NLRP4: variants seen among roughly 807,000 people sequenced by gnomAD.
NLRP4 encodes the protein NLR family pyrin domain containing 4.
A neutral mutation model predicts 84.7 loss-of-function variants in NLRP4; 44 were observed. The observed-to-expected ratio is 0.52, with a 90% CI of 0.41 to 0.67. NLRP4 has a LOEUF of 0.67. Among genes scored for constraint, NLRP4 ranks in the 30% least tolerant of loss-of-function variants. The pLI, the probability that NLRP4 is intolerant of heterozygous loss-of-function variation, is 0.00. For synonymous variants in NLRP4, 544 were observed against 476.4 expected (o/e 1.14, Z -1.85); for missense variants, 1,260 against 1,219.4 (o/e 1.03, Z -0.50).
At chr19:55,850,804 A>ACTTCCCG in intron 1 of NLRP4, among the ~76,000 whole-genome samples, 1 of 122,142 alleles carries the variant, frequency 8.2e-6, no homozygotes, top group Non-Finnish European at 1.6e-5. Flanking sequence ...GCTGCGGTGT[A>ACTTCCCG]ATTTCCGAGG....
chr19:55,860,186 C>T (rs111344865), intron 3 of NLRP4, among the ~76,000 whole-genome samples: 1,655 of 152,048 alleles, frequency 0.011, 25 homozygotes, highest in South Asian at 0.037. Context: ...AGGGTTTCAC[C>T]GTGTTGGCCA....
chr19:55,864,608 T>A (rs1012395815), intron 5 of NLRP4, among the ~76,000 whole-genome samples: 1 of 152,248 alleles, frequency 6.6e-6, no homozygotes, highest in Non-Finnish European at 1.5e-5. Context: ...AGTAAATCCA[T>A]ATTTAACTGT....
chr19:55,862,288 C>A (rs1335112154), intron 5 of NLRP4, 129 bp downstream of exon 5: 2 of 388,180 alleles, frequency 5.2e-6, no homozygotes, highest in Non-Finnish European at 8.6e-6. Context: ...ATTGAGACCA[C>A]TGATTGGGTT....
chr19:55,865,620 G>A (rs1984925273), intron 5 of NLRP4, among the ~76,000 whole-genome samples: 1 of 152,140 alleles, frequency 6.6e-6, no homozygotes, highest in Non-Finnish European at 1.5e-5. Context: ...AACCTCACCA[G>A]CATATATTAT....
At chr19:55,878,277 C>T (rs576328004) in intron 8 of NLRP4, among the ~76,000 whole-genome samples, 5 of 146,066 alleles carry the variant, frequency 3.4e-5, no homozygotes, top group African/African-American at 1.0e-4. Context: ...AAAATTAGCC[C>T]GCAGGCGTGG....
chr19:55,866,537 G>A (rs1398917206), intron 5 of NLRP4, among the ~76,000 whole-genome samples: 1 of 152,080 alleles, frequency 6.6e-6, no homozygotes, highest in Non-Finnish European at 1.5e-5. Flanking sequence ...GAGTGGTTGA[G>A]GTAATAGAAA....
chr19:55,868,909 A>C (rs1325823922), intron 6 of NLRP4, among the ~76,000 whole-genome samples: 1 of 152,204 alleles, frequency 6.6e-6, no homozygotes, highest in Non-Finnish European at 1.5e-5. Context: ...AATGTCAAGA[A>C]AATGAGAGGA....
Position 55,870,984 on chromosome 19 carries a change from C to T in NLRP4, c.2512C>T (p.Leu838=). ...CEALKHPDCC[L]DSLCLVKCFI... Reference sequence around the variant, plus strand: ...GGCCTTGAAACATCCGGACTGCTGCCTGGATTCACTGTGGTAGGCTTTTTG... The same window carrying T: ...GGCCTTGAAACATCCGGACTGCTGCTTGGATTCACTGTGGTAGGCTTTTTG... Residue 838 remains leucine (L), a synonymous_variant, in exon 7 of 10, where the codon CTG becomes TTG. Transcript: ENST00000301295. 6.2e-7 allele frequency: 1 copy of T among 1,614,102 alleles called. No homozygotes were observed. Among genetic ancestry groups the T allele is most frequent in the Non-Finnish European group, 8.5e-7 (1 of 1,179,944 alleles).
intron 6 of NLRP4, among the ~76,000 whole-genome samples, chr19:55,869,042 A>G (rs1985069648): frequency 6.6e-6 from 1 of 152,204 alleles, no homozygotes; most frequent in South Asian, 2.1e-4. Context: ...AATGAAGGAC[A>G]GTGGTGCCTG....
At chr19:55,880,049 C>T (rs1014974681) in intron 9 of NLRP4, among the ~76,000 whole-genome samples, 1 of 151,930 alleles carries the variant, frequency 6.6e-6, no homozygotes, top group Admixed American at 6.6e-5. Flanking sequence ...TTTTCCCCTA[C>T]TGTTTTCAAA....
rs764130989 is a variant in NLRP4 at position 55,862,040 on chromosome 19, G to A, written c.2067G>A (p.Val689=). ...FSGQSVLLFE[V]LFYQPDLKYL... ...GCCAGAGTGTTCTGCTCTTTGAGGTGCTCTTTTATCAGCCAGACTTGAAAT... is the reference window on the plus strand; with the variant it reads ...GCCAGAGTGTTCTGCTCTTTGAGGTACTCTTTTATCAGCCAGACTTGAAAT... Residue 689 remains valine (V), a synonymous_variant, in exon 5 of 10, where the codon GTG becomes GTA. Coordinates refer to ENST00000301295, the MANE Select transcript of NLRP4 (RefSeq NM_134444.5). 1 of 1,613,480 alleles carries A rather than the reference G, an allele frequency of 6.2e-7. No individual in the cohort carries two copies. The highest frequency in any genetic ancestry group is 8.5e-7 in the Non-Finnish European group (1 of 1,179,372).
chr19:55,849,721 C>G (rs1410482057), intron 1 of NLRP4, among the ~76,000 whole-genome samples: 2 of 152,168 alleles, frequency 1.3e-5, no homozygotes, highest in Non-Finnish European at 2.9e-5. Context: ...AATGTAATTT[C>G]TATATTTACA....
At chr19:55,846,351 C>A (rs748204409) in intron 1 of NLRP4, among the ~76,000 whole-genome samples, 1 of 151,964 alleles carries the variant, frequency 6.6e-6, no homozygotes, top group African/African-American at 2.4e-5. Context: ...GCATTATTTC[C>A]GAGGGCTCTG....
At chr19:55,847,573 G>C (rs989696664) in intron 1 of NLRP4, among the ~76,000 whole-genome samples, 1 of 152,134 alleles carries the variant, frequency 6.6e-6, no homozygotes, top group African/African-American at 2.4e-5. Flanking sequence ...ATAGTGCAGA[G>C]AGTTCCCATA....
At chr19:55,843,464 G>A (rs1489120544) in intron 1 of NLRP4, among the ~76,000 whole-genome samples, 1 of 151,990 alleles carries the variant, frequency 6.6e-6, no homozygotes, top group African/African-American at 2.4e-5. Flanking sequence ...GCAGAGGCGG[G>A]TGGATCTCCT....
chr19:55,867,581 C>T, intron 5 of NLRP4, 128 bp from the exon 6 acceptor site: 2 of 747,886 alleles, frequency 2.7e-6, no homozygotes, highest in South Asian at 3.5e-5. Context: ...GGATCAAGAA[C>T]AGGGTTGGGA....
chr19:55,877,254 C>A, intron 8 of NLRP4, 88 bp downstream of exon 8: 3 of 1,228,830 alleles, frequency 2.4e-6, no homozygotes, highest in Non-Finnish European at 3.5e-6. Context: ...AAAACTCCAA[C>A]AGGACCACAT....
intron 1 of NLRP4, among the ~76,000 whole-genome samples, chr19:55,837,307 GAC>G (rs1296183824): frequency 3.3e-5 from 5 of 152,040 alleles, no homozygotes; most frequent in Non-Finnish European, 7.4e-5. Context: ...AAACCCCTGT[GAC>G]ACGAGTTTAC....
chr19:55,836,986 T>C lies in NLRP4; in HGVS notation c.-66+52T>C, dbSNP rs948726484. The C allele has an allele frequency of 7.2e-5, 11 of 152,322 alleles. No individual in the cohort carries two copies. In the East Asian group the frequency reaches 2.1e-3, roughly 29 times the overall value. The allele number at this position is 152,322 out of a possible 1,614,324, so 9.4% of individuals were successfully genotyped here. A position where few individuals can be genotyped will look rare whatever the true frequency, so the allele number is the denominator to read the frequency against. On this transcript the variant is annotated intron_variant, in intron 1 of 9. Transcript: ENST00000301295. ...GTGGGACCCAAGCCCTCTCTGCTCT[T>C]GTGAGCTTGCTCTCTGACCTAGGGC...
Sources: gnomAD v4.1 joint callset for allele counts (sites outside exome capture counted in the v4.1 genomes callset) on GRCh38, gnomAD v4.1.1 for gene constraint, MANE v1.5 for transcripts, NCBI Gene and HGNC (gene_info 2026-07-23, HGNC 2026-07-21) for gene names.